CHD4: variants seen among roughly 807,000 people sequenced by gnomAD.
The protein encoded by CHD4 is ATP-dependent chromatin remodeler CHD4.
Under a neutral mutation model 235.5 loss-of-function variants are expected in CHD4, and 35 were observed. The observed-to-expected ratio is 0.15, with a 90% CI of 0.11 to 0.20. The LOEUF is 0.20. Among genes scored for constraint, CHD4 ranks in the 10% least tolerant of loss-of-function variants. The probability of loss-of-function intolerance (pLI) is 1.00; values close to 1 mark genes in which losing one functional copy is unlikely to be tolerated. For synonymous variants in CHD4, 900 were observed against 850.2 expected, an observed-to-expected ratio of 1.06 and a Z score of -1.02; for missense variants, 1,329 against 2,432.3, an observed-to-expected ratio of 0.55 and a Z score of 9.54.
intron 6 of CHD4, 40 bp downstream of exon 6, chr12:6,601,249 C>T: frequency 1.2e-6 from 2 of 1,603,306 alleles, no homozygotes; most frequent in Non-Finnish European, 1.7e-6. Context: ...ATCTTAAGCC[C>T]ACACTAGACA....
rs751181610 is a variant in CHD4, at chr12:6,583,186, G to A, written c.4060+12C>T. 1.7e-5 allele frequency: 27 copies of A among 1,613,570 alleles called. No individual in the cohort carries two copies. The East Asian group carries it at 3.1e-4, about 19-fold the overall frequency. On this transcript the variant is annotated intron_variant, in intron 26 of 39. Transcript: ENST00000544040. ...CGGCCCATGGGTGGGGGGCGGGGCCGGCCACACACACCTCGGTCCTCCTGG... is the reference window on the plus strand; with the variant it reads ...CGGCCCATGGGTGGGGGGCGGGGCCAGCCACACACACCTCGGTCCTCCTGG...
rs1410417152 is a variant in CHD4 at position 6,572,339 on chromosome 12, T to C, written c.5557+735A>G. 2.0e-5 allele frequency among the ~76,000 whole-genome samples: 3 copies of C among 150,640 alleles called. No individual in the cohort carries two copies. The South Asian group carries it at 6.3e-4, about 32-fold the overall frequency. On this transcript the variant is annotated intron_variant, in intron 38 of 39. Coordinates refer to ENST00000544040, the MANE Select transcript of CHD4 (RefSeq NM_001273.5). ...TACTCGGGAGGCTGAGGCAGGAGAA[T>C]TGCTTGAACCCAGGAGGCAGAGGTT... is the stretch of plus-strand genomic sequence containing the variant.
intron 22 of CHD4, among the ~76,000 whole-genome samples, 180 bp from the exon 23 acceptor site, chr12:6,588,602 A>C (rs1187856196): frequency 3.9e-5 from 6 of 152,012 alleles, no homozygotes; most frequent in African/African-American, 9.7e-5. Flanking sequence ...ACACGGTGAA[A>C]CCCTGTCTCT....
rs200285314 is a variant in CHD4 at position 6,594,429 on chromosome 12, C to A, written c.2313+30G>T. 3.7e-4 allele frequency: 581 copies of A among 1,573,042 alleles called. 3 individuals are homozygous for A. The African/African-American group carries it at 5.1e-3, about 14-fold the overall frequency. ...AGGCTTCAAACACAAAACACCCACACAAAAAACTATCCACCCCAGATTTCC... is the reference window on the plus strand; with the variant it reads ...AGGCTTCAAACACAAAACACCCACAAAAAAAACTATCCACCCCAGATTTCC... On this transcript the variant is annotated intron_variant, in intron 15 of 39. Coordinates refer to ENST00000544040, the MANE Select transcript of CHD4 (RefSeq NM_001273.5).
At chr12:6,575,321 G>C (rs1948050279) in intron 37 of CHD4, among the ~76,000 whole-genome samples, 1 of 152,034 alleles carries the variant, frequency 6.6e-6, no homozygotes, top group African/African-American at 2.4e-5. Flanking sequence ...GGTGGTACAT[G>C]CCTGTAATCC....
intron 12 of CHD4, among the ~76,000 whole-genome samples, chr12:6,597,338 C>T (rs773996522): frequency 1.1e-4 from 16 of 152,096 alleles, no homozygotes; most frequent in Non-Finnish European, 2.4e-4. Context: ...CAGTAGCTCA[C>T]GCCTGTAATC....
chr12:6,574,448 G>C (rs1247410680), intron 37 of CHD4, among the ~76,000 whole-genome samples: 1 of 152,112 alleles, frequency 6.6e-6, no homozygotes, highest in Non-Finnish European at 1.5e-5. Flanking sequence ...AAGATTCTTT[G>C]AAATATATCC....
At chr12:6,582,376 T>C in intron 29 of CHD4, 95 bp from the exon 30 acceptor site, 4 of 1,430,052 alleles carry the variant, frequency 2.8e-6, no homozygotes, top group South Asian at 1.4e-5. Context: ...AGGCAATAAC[T>C]ATGGCTCCAC....
chr12:6,601,121 C>T lies in CHD4; in HGVS notation c.800-68G>A, dbSNP rs1179592231. 4.6e-6 allele frequency: 7 copies of T among 1,525,514 alleles called. No individual in the cohort carries two copies. The East Asian group carries it at 6.8e-5, about 15-fold the overall frequency. The allele number at this position is 1,525,514 out of a possible 1,614,324, so 94.5% of individuals were successfully genotyped here. ...ATGGGGAAAATAAAATCTTCTCCAC[C>T]TAAGCTTGCTTCCCCACATTCAGAT... On this transcript the variant is annotated intron_variant, in intron 6 of 39. Transcript: ENST00000544040.
chr12:6,572,278 T>G (rs1488530882), intron 38 of CHD4, among the ~76,000 whole-genome samples: 1 of 139,048 alleles, frequency 7.2e-6, no homozygotes, highest in African/African-American at 2.7e-5. Flanking sequence ...ATACAAAAAT[T>G]AGCCACAAGT....
At chr12:6,599,719 A>G in intron 10 of CHD4, 54 bp downstream of exon 10, 4 of 1,610,516 alleles carry the variant, frequency 2.5e-6, no homozygotes, top group Non-Finnish European at 1.7e-6. Context: ...AATAGCCTAC[A>G]TAGAAAAGAC....
At chr12:6,606,194 A>C in intron 2 of CHD4, 80 bp downstream of exon 2, 1 of 952,196 alleles carries the variant, frequency 1.1e-6, no homozygotes, top group Non-Finnish European at 1.6e-6. Flanking sequence ...GGAGCAACAC[A>C]GCCCTGCCTC....
At chr12:6,601,851 C>A in intron 4 of CHD4, 85 bp from the exon 5 acceptor site, 1 of 1,562,354 alleles carries the variant, frequency 6.4e-7, no homozygotes, top group East Asian at 2.2e-5. Flanking sequence ...ATCAGAGTAA[C>A]AGAGTTAAGA....
At position 6,581,127 on chromosome 12, in the gene CHD4, A is replaced by G; in HGVS notation, c.4826T>C (p.Val1609Ala). Reference sequence around the variant, plus strand: ...TTTCTCCTCTCCCTCAGGGGGTTCAACAACGACCTTTTCATCCTCTGAGGC... The same window carrying G: ...TTTCTCCTCTCCCTCAGGGGGTTCAGCAACGACCTTTTCATCCTCTGAGGC... The part of the protein sequence containing the change: ...APASEDEKVV[V>A]EPPEGEEKVE... The change falls in exon 33 of 40, where the codon GTT (valine) becomes GCT (alanine). Residue 1609 changes from valine (V) to alanine (A), a missense_variant. By Grantham distance (64) the Val-to-Ala change is moderately conservative (BLOSUM62 0). Transcript: ENST00000544040. 6.2e-7 allele frequency: 1 copy of G among 1,614,112 alleles called. No homozygotes were observed. The highest frequency in any genetic ancestry group is 8.5e-7 in the Non-Finnish European group (1 of 1,180,022).
At chr12:6,589,754 A>G (rs1381614716) in intron 22 of CHD4, among the ~76,000 whole-genome samples, 3 of 151,182 alleles carry the variant, frequency 2.0e-5, no homozygotes, top group Admixed American at 2.0e-4. Flanking sequence ...TGACAGAGCA[A>G]GACTTTGTCT....
intron 14 of CHD4, 89 bp from the exon 15 acceptor site, chr12:6,594,739 C>T (rs767452369): frequency 7.4e-6 from 9 of 1,210,548 alleles, no homozygotes; most frequent in South Asian, 3.0e-5. Context: ...CTAGTCTTCA[C>T]GGATCCTCTT....
chr12:6,578,703 C>T (rs778144320), intron 34 of CHD4, 143 bp downstream of exon 34: 1 of 1,370,794 alleles, frequency 7.3e-7, no homozygotes, highest in Admixed American at 1.9e-5. Context: ...GGCCCACTGA[C>T]AACTAAATGT....
At chr12:6,592,251 C>A in intron 19 of CHD4, 142 bp downstream of exon 19, 1 of 1,280,620 alleles carries the variant, frequency 7.8e-7, no homozygotes, top group Non-Finnish European at 1.1e-6. Flanking sequence ...ACTATGCGCT[C>A]CAGCGCCCTA....
At chr12:6,592,208 A>C in intron 19 of CHD4, 151 bp from the exon 20 acceptor site, 1 of 1,269,310 alleles carries the variant, frequency 7.9e-7, no homozygotes, top group South Asian at 1.4e-5. Context: ...CACCATTTTA[A>C]ATAAGGAAAG....
Sources: gnomAD v4.1 joint callset for allele counts (sites outside exome capture counted in the v4.1 genomes callset) on GRCh38, gnomAD v4.1.1 for gene constraint, MANE v1.5 for transcripts, NCBI Gene and HGNC (gene_info 2026-07-23, HGNC 2026-07-21) for gene names.